Variants in TLR8 observed in about 807,000 individuals in gnomAD.
TLR8 encodes the protein toll-like receptor 8.
Under a neutral mutation model 18.5 loss-of-function variants are expected in TLR8, and 5 were observed. The ratio of observed to expected loss-of-function variants is 0.27; its 90% confidence interval spans 0.14 to 0.57. The LOEUF (loss-of-function observed/expected upper bound fraction) is 0.57, where lower values mean the gene tolerates loss of function less well. Ranked by LOEUF, TLR8 falls within the 20% of genes least tolerant of loss-of-function variation. The pLI is 0.92. For synonymous variants in TLR8, 299 were observed against 300.1 expected, an observed-to-expected ratio of 1.00 and a Z score of 0.04; for missense variants, 543 against 769.8, an observed-to-expected ratio of 0.71 and a Z score of 3.49.
rs761612046 is a variant in TLR8, at chrX:12,920,756, C to T, written c.1716C>T (p.Gly572=). ...SYNSHYFRIA[G]VTHHLEFIQN... is the part of the protein sequence containing the mutation. ...ATTCACACTATTTCAGAATAGCAGG[C>T]GTAACACATCATCTAGAATTTATTC... is the stretch of plus-strand genomic sequence containing the variant. The change falls in exon 2 of 2, where the codon GGC becomes GGT. Residue 572 remains glycine, a synonymous_variant. Coordinates refer to ENST00000218032, the MANE Select transcript of TLR8 (RefSeq NM_138636.5). 106 of 1,207,778 alleles carry T rather than the reference C, an allele frequency of 8.8e-5. No homozygotes were observed. Among genetic ancestry groups the T allele is most frequent in the East Asian group, 8.0e-4 (27 of 33,785 alleles).
intron 1 of TLR8, among the ~76,000 whole-genome samples, chrX:12,908,686 T>C (rs1441215942): frequency 8.9e-6 from 1 of 112,779 alleles, no homozygotes; most frequent in Non-Finnish European, 1.9e-5. Context: ...TTTGGTCCTT[T>C]TGTTAAAAAG....
chrX:12,911,157 G>A (rs1602450060), intron 1 of TLR8, among the ~76,000 whole-genome samples: 1 of 111,675 alleles, frequency 9.0e-6, no homozygotes, highest in East Asian at 2.8e-4. Flanking sequence ...GGGTTTCACA[G>A]AACAACTGTC....
chrX:12,916,308 A>G (rs1216385863), intron 1 of TLR8, among the ~76,000 whole-genome samples: 1 of 112,092 alleles, frequency 8.9e-6, no homozygotes, highest in Non-Finnish European at 1.9e-5. Flanking sequence ...CAATTCATAT[A>G]TTGTGAGTGT....
In TLR8 at chrX:12,922,321, G is replaced by C; in HGVS notation, c.*155G>C. The C allele has an allele frequency of 1.5e-6, 1 of 687,734 alleles. No homozygotes were observed. 56.7% of individuals were successfully genotyped at this position (687,734 alleles called of 1,213,427 possible). Reference sequence around the variant, plus strand: ...ACAGTTTTTGAGGGTCAGGAGTCCAGGCCCAGCATAACTGGGTCCTCTGCT... The same window carrying C: ...ACAGTTTTTGAGGGTCAGGAGTCCACGCCCAGCATAACTGGGTCCTCTGCT... On this transcript the variant is annotated 3_prime_UTR_variant, in exon 2 of 2. Coordinates refer to ENST00000218032, the MANE Select transcript of TLR8 (RefSeq NM_138636.5).
intron 1 of TLR8, among the ~76,000 whole-genome samples, chrX:12,909,205 C>A (rs1475515259): frequency 8.9e-6 from 1 of 112,239 alleles, no homozygotes; most frequent in Admixed American, 9.4e-5. Context: ...GCCTGTCCAA[C>A]CCTCGGCCTG....
At position 12,921,233 on chromosome X, in the gene TLR8, T is replaced by G; in HGVS notation, c.2193T>G (p.Phe731Leu). 8.3e-7 allele frequency: 1 copy of G among 1,211,908 alleles called. No homozygotes were observed. Among genetic ancestry groups the G allele is most frequent in the Non-Finnish European group, 1.1e-6 (1 of 895,570 alleles). ...GGATTTCCCACCTACCCTCTGGCTTTCTTTCTGAAGTCAGTAGTCTGAAGC... is the reference window on the plus strand; with the variant it reads ...GGATTTCCCACCTACCCTCTGGCTTGCTTTCTGAAGTCAGTAGTCTGAAGC... ...HNRISHLPSG[F>L]LSEVSSLKHL... Residue 731 changes from phenylalanine to leucine, a missense_variant, in exon 2 of 2, where the codon TTT becomes TTG. By Grantham distance (22) the Phe-to-Leu change is conservative. This residue lies in a region of TLR8 where 227 missense variants were observed against 312.9 expected (regional missense o/e 0.73). Coordinates refer to ENST00000218032, the MANE Select transcript of TLR8 (RefSeq NM_138636.5).
Position 12,919,580 on chromosome X carries a change from C to T in TLR8, c.540C>T (p.Asn180=). ...TGAAAAATCTCTATTTGGCCTGGAACTGCTATTTTAACAAAGTTTGCGAGA... is the reference window on the plus strand; with the variant it reads ...TGAAAAATCTCTATTTGGCCTGGAATTGCTATTTTAACAAAGTTTGCGAGA... ...INLKNLYLAW[N]CYFNKVCEKT... The change falls in exon 2 of 2, where the codon AAC becomes AAT. Residue 180 remains asparagine (N), a synonymous_variant. Transcript: ENST00000218032. 1 of 1,207,656 alleles carries T rather than the reference C, an allele frequency of 8.3e-7. No individual in the cohort carries two copies. The highest frequency in any genetic ancestry group is 1.1e-6 in the Non-Finnish European group (1 of 893,907).
chrX:12,914,615 C>T (rs1301764323), intron 1 of TLR8, among the ~76,000 whole-genome samples: 1 of 111,668 alleles, frequency 9.0e-6, no homozygotes, highest in East Asian at 2.8e-4. Context: ...GCATCCCTCT[C>T]CCTCACAACC....
In TLR8 at chrX:12,922,952, G is replaced by A. The variant is rs1038018406; in HGVS notation, c.*786G>A. The A allele has an allele frequency of 3.6e-5, 4 of 111,804 alleles. No individual in the cohort carries two copies. The highest frequency in any genetic ancestry group is 9.8e-5 in the African/African-American group (3 of 30,761). 9.2% of individuals were successfully genotyped at this position (111,804 alleles called of 1,213,427 possible). On this transcript the variant is annotated 3_prime_UTR_variant, in exon 2 of 2. Coordinates refer to ENST00000218032, the MANE Select transcript of TLR8 (RefSeq NM_138636.5). ...GTTATATTATGCTGTGGTTGCGTTCGGTTTTATTTACAGTTGCTTTTACAA... is the reference window on the plus strand; with the variant it reads ...GTTATATTATGCTGTGGTTGCGTTCAGTTTTATTTACAGTTGCTTTTACAA...
Position 12,921,155 on chromosome X carries a change from T to G in TLR8, c.2115T>G (p.Asp705Glu), listed in dbSNP as rs768276219. The G allele has an allele frequency of 2.5e-6, 3 of 1,211,989 alleles. No homozygotes were observed. The East Asian group carries it at 8.9e-5, about 36-fold the overall frequency. The stretch of plus-strand genomic sequence containing the variant: ...GAAACAAACTACTCTTTTTAACTGA[T>G]AGCCTATCTGACTTTACATCTTCCC... ...LRGNKLLFLT[D>E]SLSDFTSSLR... Residue 705 changes from aspartate (D) to glutamate (E), a missense_variant, in exon 2 of 2, where the codon GAT becomes GAG. Around this residue, in one of 4 missense-constraint regions of TLR8, gnomAD observed 227 missense variants for 312.9 expected, o/e 0.73. Coordinates refer to ENST00000218032, the MANE Select transcript of TLR8 (RefSeq NM_138636.5).
In TLR8 at chrX:12,921,916, C is replaced by A; in HGVS notation, c.2876C>A (p.Ala959Asp). Residue 959 changes from alanine (A) to aspartate (D), a missense_variant, in exon 2 of 2, where the codon GCT (alanine) becomes GAT (aspartate). Coordinates refer to ENST00000218032, the MANE Select transcript of TLR8 (RefSeq NM_138636.5). The part of the protein sequence containing the change: ...KYAKSWNFKT[A>D]FYLALQRLMD... ...GCAAAAAGCTGGAACTTTAAAACAG[C>A]TTTTTACTTGGCTTTGCAGAGGCTA... The A allele has an allele frequency of 8.3e-7, 1 of 1,210,948 alleles. No homozygotes were observed.
chrX:12,915,666 A>T (rs1038925316), intron 1 of TLR8, among the ~76,000 whole-genome samples: 6 of 111,692 alleles, frequency 5.4e-5, no homozygotes, highest in African/African-American at 2.0e-4. Flanking sequence ...ACCATGGCAA[A>T]CATGAAAGCT....
rs2043104307 is a variant in TLR8, at chrX:12,922,629, A to T, written c.*463A>T. 1 of 115,106 alleles carries T rather than the reference A, an allele frequency of 8.7e-6. No individual in the cohort carries two copies. Among genetic ancestry groups the T allele is most frequent in the South Asian group, 3.5e-4 (1 of 2,856 alleles). 9.5% of individuals were successfully genotyped at this position (115,106 alleles called of 1,213,427 possible). ...ATTCTATTTGTTAGAAGTAAACCAC[A>T]GGTCCCACCAGCTCCATGGGAGTGA... On this transcript the variant is annotated 3_prime_UTR_variant, in exon 2 of 2. Transcript: ENST00000218032.
chrX:12,920,580 G>A lies in TLR8; in HGVS notation c.1540G>A (p.Ala514Thr). Reference protein sequence around the residue: ...LPDIACLNLSANSNAQVLSGT... With the variant: ...LPDIACLNLSTNSNAQVLSGT... ...TGACATTGCCTGTTTAAATCTGTCT[G>A]CAAATAGCAATGCTCAAGTGTTAAG... The change falls in exon 2 of 2, where the codon GCA becomes ACA. Residue 514 changes from alanine (A) to threonine (T), a missense_variant. Physicochemically the swap from Ala to Thr is moderately conservative, Grantham distance 58. Coordinates refer to ENST00000218032, the MANE Select transcript of TLR8 (RefSeq NM_138636.5). 1.7e-6 allele frequency: 2 copies of A among 1,210,480 alleles called. No homozygotes were observed. The highest frequency in any genetic ancestry group is 2.2e-6 in the Non-Finnish European group (2 of 894,979).
Position 12,921,152 on chromosome X carries a change from T to G in TLR8, c.2112T>G (p.Thr704=). 8.3e-7 allele frequency: 1 copy of G among 1,211,939 alleles called. No homozygotes were observed. Among genetic ancestry groups the G allele is most frequent in the Non-Finnish European group, 1.1e-6 (1 of 895,506 alleles). ...DLRGNKLLFL[T]DSLSDFTSSL... ...GTGGAAACAAACTACTCTTTTTAAC[T>G]GATAGCCTATCTGACTTTACATCTT... The change falls in exon 2 of 2, where the codon ACT becomes ACG. Residue 704 remains threonine (T), a synonymous_variant. Transcript: ENST00000218032.
chrX:12,914,983 AAG>A (rs1256414581), intron 1 of TLR8, among the ~76,000 whole-genome samples: 1 of 111,756 alleles, frequency 8.9e-6, no homozygotes, highest in Non-Finnish European at 1.9e-5. Context: ...GAAAATCACT[AAG>A]AGAGTCCATT....
rs754297567 is a variant in TLR8, at chrX:12,919,585, A to G, written c.545A>G (p.Tyr182Cys). 3 of 1,206,764 alleles carry G rather than the reference A, an allele frequency of 2.5e-6. No individual in the cohort carries two copies. The highest frequency in any genetic ancestry group is 3.4e-6 in the Non-Finnish European group (3 of 894,179). ...AATCTCTATTTGGCCTGGAACTGCTATTTTAACAAAGTTTGCGAGAAAACT... is the reference window on the plus strand; with the variant it reads ...AATCTCTATTTGGCCTGGAACTGCTGTTTTAACAAAGTTTGCGAGAAAACT... ...LKNLYLAWNC[Y>C]FNKVCEKTNI... is the part of the protein sequence containing the mutation. The change falls in exon 2 of 2, where the codon TAT becomes TGT. Residue 182 changes from tyrosine to cysteine, a missense_variant. By Grantham distance (194) the Tyr-to-Cys change is radical. Coordinates refer to ENST00000218032, the MANE Select transcript of TLR8 (RefSeq NM_138636.5).
At chrX:12,918,696 G>A (rs901968399) in intron 1 of TLR8, among the ~76,000 whole-genome samples, 16 of 110,333 alleles carry the variant, frequency 1.5e-4, no homozygotes, top group African/African-American at 5.0e-4. Context: ...ACTACGCCCG[G>A]CTAATTTTTT....
At chrX:12,910,477 C>T (rs763548416) in intron 1 of TLR8, 77 of 1,155,951 alleles carry the variant, frequency 6.7e-5, no homozygotes, top group Non-Finnish European at 8.2e-5. Context: ...GACAGCTTTA[C>T]GCCCCTCCCA....
Sources: allele counts gnomAD v4.1 joint callset (sites outside exome capture counted in the v4.1 genomes callset), GRCh38; gene constraint gnomAD v4.1.1; regional missense constraint gnomAD v4.1.1; transcripts MANE v1.5; gene names NCBI Gene and HGNC (gene_info 2026-07-23, HGNC 2026-07-21).